The following CWH43 variants were observed in gnomAD, a reference collection of about 807,000 sequenced individuals.
CWH43 encodes PGAP2-interacting protein.
In CWH43, 91 loss-of-function variants were observed where a neutral mutation model predicts 85.7. The ratio of observed to expected loss-of-function variants is 1.06; its 90% CI spans 0.90 to 1.26. The LOEUF (loss-of-function observed/expected upper bound fraction) is 1.26. Ranked by LOEUF, CWH43 falls within the 50% of genes most tolerant of loss-of-function variation. The pLI is 0.00. For missense variants in CWH43, 869 were observed against 839.2 expected, an observed-to-expected ratio of 1.04 and a Z score of -0.44; for synonymous variants, 323 against 293.6, an observed-to-expected ratio of 1.10 and a Z score of -1.02.
chr4:48,998,757 C>T (rs1782897223), intron 6 of CWH43, among the ~76,000 whole-genome samples: 1 of 152,188 alleles, frequency 6.6e-6, no homozygotes, highest in African/African-American at 2.4e-5. Context: ...CTACCTCCGC[C>T]TCCCCCTCCT....
At chr4:49,046,230 G>C (rs1426686630) in intron 14 of CWH43, among the ~76,000 whole-genome samples, 1 of 152,130 alleles carries the variant, frequency 6.6e-6, no homozygotes, top group Non-Finnish European at 1.5e-5. Context: ...CAAATATGTA[G>C]CTGTATAAAT....
chr4:49,040,144 A>G (rs1299723662), intron 13 of CWH43, among the ~76,000 whole-genome samples: 1 of 152,130 alleles, frequency 6.6e-6, no homozygotes, highest in Non-Finnish European at 1.5e-5. Context: ...CCAGTCTATC[A>G]TTGTTGGACA....
In CWH43 at chr4:49,003,881, A is replaced by C; in HGVS notation, c.949A>C (p.Thr317Pro). 6.2e-7 allele frequency: 1 copy of C among 1,613,922 alleles called. No individual in the cohort carries two copies. Among genetic ancestry groups the C allele is most frequent in the Non-Finnish European group, 8.5e-7 (1 of 1,179,902 alleles). ...AGGGACAAACCCTGGGAAAACCATGACCATTGCCATGATATTTTATCTTCT... is the reference window on the plus strand; with the variant it reads ...AGGGACAAACCCTGGGAAAACCATGCCCATTGCCATGATATTTTATCTTCT... ...NSGTNPGKTMTIAMIFYLLEI... is the reference protein window; with the variant it reads ...NSGTNPGKTMPIAMIFYLLEI... Residue 317 changes from threonine (T) to proline (P), a missense_variant, in exon 7 of 16, where the codon ACC becomes CCC. By Grantham distance (38) the Thr-to-Pro change is conservative (BLOSUM62 -1). Around this residue, in one of 3 missense-constraint regions of CWH43, gnomAD observed 577 missense variants for 513.1 expected, o/e 1.12. Transcript: ENST00000226432.
chr4:49,049,320 G>A (rs1560514966), intron 14 of CWH43, among the ~76,000 whole-genome samples: 2 of 152,126 alleles, frequency 1.3e-5, no homozygotes, highest in Non-Finnish European at 2.9e-5. Context: ...TTTGCATGGA[G>A]TTACAGGCAT....
intron 1 of CWH43, among the ~76,000 whole-genome samples, chr4:48,987,148 A>T (rs1782520261): frequency 6.6e-6 from 1 of 151,610 alleles, no homozygotes; most frequent in Admixed American, 6.6e-5. Context: ...CAAAACAAAG[A>T]TCCCTCTGGT....
intron 6 of CWH43, among the ~76,000 whole-genome samples, chr4:48,999,034 G>A (rs1394987691): frequency 5.3e-5 from 8 of 152,066 alleles, no homozygotes; most frequent in African/African-American, 1.7e-4. Context: ...TTGTTACCCA[G>A]GTAATAAGCC....
intron 6 of CWH43, among the ~76,000 whole-genome samples, chr4:49,001,200 A>G (rs1045547991): frequency 1.3e-5 from 2 of 152,228 alleles, no homozygotes; most frequent in African/African-American, 4.8e-5. Flanking sequence ...CCAGAGTTCT[A>G]TTTTTAAAAA....
intron 15 of CWH43, among the ~76,000 whole-genome samples, chr4:49,052,619 A>G (rs1394545556): frequency 6.6e-6 from 1 of 152,178 alleles, no homozygotes; most frequent in African/African-American, 2.4e-5. Context: ...GAGTGCGGAG[A>G]AATCCAAATA....
At chr4:49,054,081 C>T (rs2109845055) in intron 15 of CWH43, among the ~76,000 whole-genome samples, 1 of 152,206 alleles carries the variant, frequency 6.6e-6, no homozygotes, top group South Asian at 2.1e-4. Context: ...TTTAAAAAAT[C>T]ATTGCCCAGA....
chr4:49,020,843 C>A (rs1783730464), intron 9 of CWH43, among the ~76,000 whole-genome samples: 1 of 151,904 alleles, frequency 6.6e-6, no homozygotes, highest in South Asian at 2.1e-4. Flanking sequence ...GTTTTTTGGC[C>A]ATTTGTGTAT....
intron 8 of CWH43, among the ~76,000 whole-genome samples, chr4:49,010,075 GGTAGAATTCGGCT>G (rs1783303769): frequency 6.6e-6 from 1 of 152,098 alleles, no homozygotes; most frequent in Admixed American, 6.6e-5. Flanking sequence ...TTGTACCTGT[GGTAGAATTCGGCT>G]GTGAATCCTT....
intron 13 of CWH43, among the ~76,000 whole-genome samples, chr4:49,044,297 G>A (rs987481451): frequency 8.5e-5 from 13 of 152,314 alleles, no homozygotes; most frequent in African/African-American, 3.1e-4. Context: ...TGGAACACCT[G>A]CTCAATGCCA....
chr4:49,045,712 T>G (rs1301820371), intron 14 of CWH43, among the ~76,000 whole-genome samples: 1 of 152,152 alleles, frequency 6.6e-6, no homozygotes, highest in Non-Finnish European at 1.5e-5. Flanking sequence ...ACACATTTCT[T>G]TCTTTTTTTT....
rs1232976618 is a variant in CWH43, at chr4:48,992,626, G to A, written c.511+536G>A. ...AATCACCTGTCTCTCCCAGGGGCCA[G>A]CTTTCTCCGAGACAGAAACATGCCC... On this transcript the variant is annotated intron_variant, in intron 4 of 15. Transcript: ENST00000226432. The surrounding 1 kb of genome is among the most constrained non-coding windows in gnomAD (Gnocchi z 4.3). Among the ~76,000 whole-genome samples the A allele has an allele frequency of 2.0e-5, 3 of 152,186 alleles. No individual in the cohort carries two copies. Among genetic ancestry groups the A allele is most frequent in the Admixed American group, 6.5e-5 (1 of 15,280 alleles).
chr4:49,023,904 T>G (rs1378907115), intron 9 of CWH43, among the ~76,000 whole-genome samples: 3 of 152,230 alleles, frequency 2.0e-5, no homozygotes, highest in Admixed American at 6.5e-5. Context: ...CTTTGTTGAC[T>G]TTCTATCTTG....
At chr4:49,047,491 G>T (rs1426171836) in intron 14 of CWH43, among the ~76,000 whole-genome samples, 2 of 152,134 alleles carry the variant, frequency 1.3e-5, no homozygotes, top group African/African-American at 4.8e-5. Context: ...GGGTGCAATT[G>T]TAAGTAGGGA....
At chr4:48,994,930 C>G in intron 5 of CWH43, 110 bp downstream of exon 5, 1 of 858,206 alleles carries the variant, frequency 1.2e-6, no homozygotes, top group Non-Finnish European at 2.0e-6. Flanking sequence ...TCATACCACT[C>G]TCCCTAGATA....
Position 49,032,652 on chromosome 4 carries a change from CA to C in CWH43, c.1596del (p.Leu533Ter), listed in dbSNP as rs147750792. The C allele has an allele frequency of 0.017, 27,782 of 1,614,096 alleles. 300 individuals carry two copies. Among genetic ancestry groups the C allele is most frequent in the Non-Finnish European group, 0.02 (23,279 of 1,179,954 alleles). On this transcript the variant is annotated frameshift_variant, in exon 12 of 16. Transcript: ENST00000226432. LOFTEE classifies it high-confidence loss of function. ...SPEGEIAPAI[T>X]LTVNISGKLV... The stretch of plus-strand genomic sequence containing the variant: ...GAGGGCGAGATCGCACCAGCCATCA[CA>C]TTGACCGTTAACATTTCGGGCAAGC...
At chr4:49,037,896 A>G (rs1784307572) in intron 12 of CWH43, 140 bp from the exon 13 acceptor site, 2 of 636,428 alleles carry the variant, frequency 3.1e-6, no homozygotes, top group Non-Finnish European at 5.5e-6. Context: ...CATTTGTATA[A>G]TGTTAAGACA....
Sources: allele counts gnomAD v4.1 joint callset (sites outside exome capture counted in the v4.1 genomes callset), GRCh38; gene constraint gnomAD v4.1.1; regional missense constraint gnomAD v4.1.1; non-coding constraint Gnocchi (gnomAD v3.1); transcripts MANE v1.5; gene names NCBI Gene and HGNC (gene_info 2026-07-23, HGNC 2026-07-21).